TRIP6: variants seen among roughly 807,000 people sequenced by gnomAD.
TRIP6 encodes thyroid hormone receptor interactor 6, also known as thyroid receptor-interacting protein 6.
TRIP6 carries 33 observed loss-of-function variants against 51.9 expected under a neutral mutation model. The ratio of observed to expected loss-of-function variants is 0.64; its 90% CI spans 0.48 to 0.85. The LOEUF (loss-of-function observed/expected upper bound fraction) is 0.85, where lower values mean the gene tolerates loss of function less well. TRIP6 is among the 40% of genes least tolerant of loss of function. TRIP6 has a pLI of 0.00. For synonymous variants in TRIP6, 255 were observed against 275.8 expected (o/e 0.92, Z 0.75); for missense variants, 661 against 652.1 (o/e 1.01, Z -0.15).
At chr7:100,871,903 A>G (rs1256188038) in intron 7 of TRIP6, among the ~76,000 whole-genome samples, 182 bp downstream of exon 7, 4 of 151,990 alleles carry the variant, frequency 2.6e-5, no homozygotes, top group Non-Finnish European at 5.9e-5. Flanking sequence ...TGGCATGATC[A>G]TAGCTCACTG....
chr7:100,872,662 TA>T lies in TRIP6; in HGVS notation c.1219del (p.Met407CysfsTer10). On this transcript the variant is annotated frameshift_variant, in exon 8 of 9. Transcript: ENST00000200457. LOFTEE classifies it high-confidence loss of function. ...APRCSVCGGAIMPEPGQEETV... is the reference protein window; with the variant it reads ...APRCSVCGGAXMPEPGQEETV... ...AGATGCTCAGTGTGCGGTGGGGCCA[TA>T]ATGCCTGAGCCAGGTCAGGAGGAGA... The T allele has an allele frequency of 6.2e-7, 1 of 1,614,048 alleles. No individual in the cohort carries two copies. The highest frequency in any genetic ancestry group is 8.5e-7 in the Non-Finnish European group (1 of 1,179,952).
At chr7:100,871,506 G>A (rs1191736704) in intron 6 of TRIP6, 37 bp from the exon 7 acceptor site, 5 of 1,602,978 alleles carry the variant, frequency 3.1e-6, no homozygotes, top group African/African-American at 2.7e-5. Flanking sequence ...CATGGCTCCC[G>A]CCCGCTCCCA....
rs61748947 is a variant in TRIP6 at position 100,873,202 on chromosome 7, G to T, written c.1330G>T (p.Glu444Ter). 2 of 1,613,312 alleles carry T rather than the reference G, an allele frequency of 1.2e-6. No homozygotes were observed. Among genetic ancestry groups the T allele is most frequent in the Non-Finnish European group, 1.7e-6 (2 of 1,179,734 alleles). The change falls in exon 9 of 9, where the codon GAG becomes TAG. Residue 444 changes from glutamate to a stop codon, truncating the protein, a stop_gained. Transcript: ENST00000200457. LOFTEE classifies it high-confidence loss of function. ...TGGGCTGCTGCTCTCCTCTGAGGGCGAGTGTCAGGGCTGCTACCCGCTGGA... is the reference window on the plus strand; with the variant it reads ...TGGGCTGCTGCTCTCCTCTGAGGGCTAGTGTCAGGGCTGCTACCCGCTGGA... ...ECGLLLSSEG[E>*]CQGCYPLDGH...
In TRIP6 at chr7:100,871,715, T is replaced by A; in HGVS notation, c.1172T>A (p.Phe391Tyr). 6.2e-7 allele frequency: 1 copy of A among 1,613,876 alleles called. No individual in the cohort carries two copies. The highest frequency in any genetic ancestry group is 1.3e-5 in the African/African-American group (1 of 75,072). ...AGCCAGATCCACTGCATTGAGGACT[T>A]TCACAGGTCAGGCCTGGCCTCCACC... ...ATSQIHCIEDFHRKFAPRCSV... is the reference protein window; with the variant it reads ...ATSQIHCIEDYHRKFAPRCSV... Residue 391 changes from phenylalanine (F) to tyrosine (Y), a missense_variant, in exon 7 of 9, where the codon TTT becomes TAT. Transcript: ENST00000200457.
rs150043586 is a variant in TRIP6, at chr7:100,868,135, C to T, written c.265C>T (p.Arg89Cys). 1.8e-5 allele frequency: 29 copies of T among 1,612,254 alleles called. No homozygotes were observed. The highest frequency in any genetic ancestry group is 4.4e-5 in the South Asian group (4 of 90,992). ...QGLPADRGGLRPGSLDAEIDL... is the reference protein window; with the variant it reads ...QGLPADRGGLCPGSLDAEIDL... ...GCTCCCTGCAGACAGGGGGGGCCTTCGCCCTGGAAGCCTGGACGCCGAGAT... is the reference window on the plus strand; with the variant it reads ...GCTCCCTGCAGACAGGGGGGGCCTTTGCCCTGGAAGCCTGGACGCCGAGAT... The change falls in exon 3 of 9, where the codon CGC becomes TGC. Residue 89 changes from arginine (R) to cysteine (C), a missense_variant. Physicochemically the swap from Arg to Cys is radical, Grantham distance 180. Coordinates refer to ENST00000200457, the MANE Select transcript of TRIP6 (RefSeq NM_003302.3).
In TRIP6 at chr7:100,868,189, C is replaced by A; in HGVS notation, c.319C>A (p.Leu107Met). 6.2e-7 allele frequency: 1 copy of A among 1,609,814 alleles called. No homozygotes were observed. Among genetic ancestry groups the A allele is most frequent in the Non-Finnish European group, 8.5e-7 (1 of 1,178,210 alleles). The change falls in exon 3 of 9, where the codon CTG becomes ATG. Residue 107 changes from leucine to methionine, a missense_variant. Physicochemically the swap from Leu to Met is conservative, Grantham distance 15. Coordinates refer to ENST00000200457, the MANE Select transcript of TRIP6 (RefSeq NM_003302.3). ...CTTGCTGAGCAGCACGCTGGCCGAG[C>A]TGAATGGGGGTCGGGGTCATGCGTC... ...IDLLSSTLAELNGGRGHASRR... is the reference protein window; with the variant it reads ...IDLLSSTLAEMNGGRGHASRR...
At chr7:100,869,624 C>A (rs1815226749) in intron 4 of TRIP6, among the ~76,000 whole-genome samples, 1 of 128,732 alleles carries the variant, frequency 7.8e-6, no homozygotes, top group Admixed American at 8.1e-5. Context: ...AAGAGCAAAA[C>A]TCTGTCTCAA....
In TRIP6 at chr7:100,873,256, G is replaced by A. The variant is rs748260838; in HGVS notation, c.1384G>A (p.Ala462Thr). 19 of 1,613,118 alleles carry A rather than the reference G, an allele frequency of 1.2e-5. No individual in the cohort carries two copies. Among genetic ancestry groups the A allele is most frequent in the Middle Eastern group, 1.7e-4 (1 of 6,054 alleles). ...GCACATCTTGTGCAAGGCCTGCAGC[G>A]CCTGGCGCATCCAGGAGCTCTCAGC... ...DGHILCKACS[A>T]WRIQELSATV... The change falls in exon 9 of 9, where the codon GCC becomes ACC. Residue 462 changes from alanine to threonine, a missense_variant. Transcript: ENST00000200457.
At chr7:100,872,485 A>T in intron 7 of TRIP6, 139 bp from the exon 8 acceptor site, 2 of 1,332,356 alleles carry the variant, frequency 1.5e-6, no homozygotes, top group East Asian at 2.5e-5. Context: ...ATTCTCTTTG[A>T]CATCGTCCCT....
Position 100,867,739 on chromosome 7 carries a change from C to A in TRIP6, c.110-122C>A. The stretch of plus-strand genomic sequence containing the variant: ...CCGAGGCGGGGGGAACAGCCGCCTG[C>A]GCTCTCTTGGGACCCTAGATTTGGG... On this transcript the variant is annotated intron_variant, in intron 1 of 8. Coordinates refer to ENST00000200457, the MANE Select transcript of TRIP6 (RefSeq NM_003302.3). The surrounding 1 kb of genome is among the most constrained non-coding windows in gnomAD (Gnocchi z 5.4). 1.3e-6 allele frequency: 2 copies of A among 1,517,768 alleles called. No individual in the cohort carries two copies. The highest frequency in any genetic ancestry group is 8.8e-7 in the Non-Finnish European group (1 of 1,130,790). 94.0% of individuals were successfully genotyped at this position (1,517,768 alleles called of 1,614,324 possible).
Position 100,868,828 on chromosome 7 carries a change from C to T in TRIP6, c.697C>T (p.Pro233Ser), listed in dbSNP as rs773585430. ...AGAGGAAGCTGCTGGGGTCTCTGGC[C>T]CTGCAGGAAGAGGAAGAGGAGGCGA... ...AKEEAAGVSG[P>S]AGRGRGGEHG... The change falls in exon 4 of 9, where the codon CCT (proline) becomes TCT (serine). Residue 233 changes from proline (P) to serine (S), a missense_variant. Pro to Ser is a moderately conservative substitution (Grantham distance 74). Coordinates refer to ENST00000200457, the MANE Select transcript of TRIP6 (RefSeq NM_003302.3). The T allele has an allele frequency of 1.6e-5, 24 of 1,518,128 alleles. No individual in the cohort carries two copies. The highest frequency in any genetic ancestry group is 2.3e-5 in the Admixed American group (1 of 43,082). The allele number at this position is 1,518,128 out of a possible 1,614,324, so 94.0% of individuals were successfully genotyped here.
Position 100,868,190 on chromosome 7 carries a change from T to C in TRIP6, c.320T>C (p.Leu107Pro), listed in dbSNP as rs1025984342. 3 of 1,609,048 alleles carry C rather than the reference T, an allele frequency of 1.9e-6. No individual in the cohort carries two copies. The highest frequency in any genetic ancestry group is 2.5e-6 in the Non-Finnish European group (3 of 1,177,942). The part of the protein sequence containing the change: ...IDLLSSTLAE[L>P]NGGRGHASRR... ...TTGCTGAGCAGCACGCTGGCCGAGCTGAATGGGGGTCGGGGTCATGCGTCA... is the reference window on the plus strand; with the variant it reads ...TTGCTGAGCAGCACGCTGGCCGAGCCGAATGGGGGTCGGGGTCATGCGTCA... Residue 107 changes from leucine (L) to proline (P), a missense_variant, in exon 3 of 9, where the codon CTG (leucine) becomes CCG (proline). Transcript: ENST00000200457.
At chr7:100,872,181 GTTTTT>G (rs34239953) in intron 7 of TRIP6, among the ~76,000 whole-genome samples, 150 of 95,596 alleles carry the variant, frequency 1.6e-3, no homozygotes, top group Admixed American at 6.2e-3. Flanking sequence ...CGCCTGGCTA[GTTTTT>G]TTTTTTTTTT....
At chr7:100,870,240 C>A in intron 4 of TRIP6, 130 bp from the exon 5 acceptor site, 1 of 857,722 alleles carries the variant, frequency 1.2e-6, no homozygotes. Flanking sequence ...ACAGATGAAG[C>A]TTTGCTTGCC....
Position 100,871,717 on chromosome 7 carries a change from C to G in TRIP6, c.1174C>G (p.His392Asp), listed in dbSNP as rs1563003406. The G allele has an allele frequency of 6.2e-7, 1 of 1,613,814 alleles. No individual in the cohort carries two copies. The highest frequency in any genetic ancestry group is 8.5e-7 in the Non-Finnish European group (1 of 1,179,916). The part of the protein sequence containing the change: ...TSQIHCIEDF[H>D]RKFAPRCSVC... ...CCAGATCCACTGCATTGAGGACTTT[C>G]ACAGGTCAGGCCTGGCCTCCACCTT... is the stretch of plus-strand genomic sequence containing the variant. Residue 392 changes from histidine to aspartate, a missense_variant, in exon 7 of 9, where the codon CAC becomes GAC. Transcript: ENST00000200457.
Position 100,873,400 on chromosome 7 carries a change from T to C in TRIP6, c.*97T>C, listed in dbSNP as rs769253736. ...CCACCTGTATGACTTTGTCACCAAATGCTGTCTTCTCTTTCTCCAATCAAG... is the reference window on the plus strand; with the variant it reads ...CCACCTGTATGACTTTGTCACCAAACGCTGTCTTCTCTTTCTCCAATCAAG... On this transcript the variant is annotated 3_prime_UTR_variant, in exon 9 of 9. Coordinates refer to ENST00000200457, the MANE Select transcript of TRIP6 (RefSeq NM_003302.3). 14 of 1,468,924 alleles carry C rather than the reference T, an allele frequency of 9.5e-6. No homozygotes were observed. Among genetic ancestry groups the C allele is most frequent in the African/African-American group, 1.4e-5 (1 of 71,030 alleles). 91.0% of individuals were successfully genotyped at this position (1,468,924 alleles called of 1,614,324 possible).
chr7:100,872,233 A>ATGTTGGCC (rs1420188362), intron 7 of TRIP6, among the ~76,000 whole-genome samples: 1 of 127,516 alleles, frequency 7.8e-6, no homozygotes, highest in Non-Finnish European at 1.6e-5. Context: ...GGCTTTCATC[A>ATGTTGGCC]TGTTGGCCAG....
Position 100,867,483 on chromosome 7 carries a change from C to A in TRIP6, c.-15C>A. On this transcript the variant is annotated 5_prime_UTR_variant, in exon 1 of 9. Transcript: ENST00000200457. The surrounding 1 kb of genome is among the most constrained non-coding windows in gnomAD (Gnocchi z 5.4). The stretch of plus-strand genomic sequence containing the variant: ...GGGCTTCAAGACCGCTGTCTGGAGT[C>A]CCCCTTTCCAGGCCATGTCGGGGCC... 6.9e-7 allele frequency: 1 copy of A among 1,453,860 alleles called. No individual in the cohort carries two copies. Among genetic ancestry groups the A allele is most frequent in the South Asian group, 1.4e-5 (1 of 72,038 alleles). The allele number at this position is 1,453,860 out of a possible 1,614,324, so 90.1% of individuals were successfully genotyped here.
rs759264809 is a variant in TRIP6, at chr7:100,868,661, C to T, written c.530C>T (p.Pro177Leu). Reference protein sequence around the residue: ...AFPVQVKVAQPVRGCGPPRRG... With the variant: ...AFPVQVKVAQLVRGCGPPRRG... ...CCCGTGCAAGTGAAGGTGGCACAGC[C>T]AGTGAGGGGCTGCGGCCCACCCAGG... is the stretch of plus-strand genomic sequence containing the variant. The change falls in exon 4 of 9, where the codon CCA (proline) becomes CTA (leucine). Residue 177 changes from proline to leucine, a missense_variant. Coordinates refer to ENST00000200457, the MANE Select transcript of TRIP6 (RefSeq NM_003302.3). 5 of 1,608,878 alleles carry T rather than the reference C, an allele frequency of 3.1e-6. No homozygotes were observed. The highest frequency in any genetic ancestry group is 4.2e-6 in the Non-Finnish European group (5 of 1,177,510).
Sources: gnomAD v4.1 joint callset for allele counts (sites outside exome capture counted in the v4.1 genomes callset) on GRCh38, gnomAD v4.1.1 for gene constraint, Gnocchi (gnomAD v3.1) non-coding constraint, MANE v1.5 for transcripts, NCBI Gene and HGNC (gene_info 2026-07-23, HGNC 2026-07-21) for gene names.